The following GLMN variants were observed in gnomAD, a reference collection of about 807,000 sequenced individuals.
The protein encoded by GLMN is glomulin, FKBP associated protein.
In GLMN, 75 loss-of-function variants were observed where a neutral mutation model predicts 87.8. The ratio of observed to expected loss-of-function variants is 0.85; its 90% CI spans 0.71 to 1.04. The LOEUF (loss-of-function observed/expected upper bound fraction) is 1.04. Among genes scored for constraint, GLMN ranks in the 50% least tolerant of loss-of-function variants. The pLI is 0.00. For synonymous variants in GLMN, 206 were observed against 221.6 expected (o/e 0.93, Z 0.63); for missense variants, 588 against 658.8 (o/e 0.89, Z 1.18).
chr1:92,361,850 T>TTTCTG, the GLMN span, among the ~76,000 whole-genome samples: 31 of 151,762 alleles, frequency 2.0e-4, no homozygotes, highest in African/African-American at 7.0e-4. Context: ...ACGTAACTGT[T>TTTCTG]TTCTGTGGAC....
chr1:92,328,398 C>A, the GLMN span, among the ~76,000 whole-genome samples: 1 of 152,152 alleles, frequency 6.6e-6, no homozygotes, highest in Non-Finnish European at 1.5e-5. Flanking sequence ...AAAGCCTTGT[C>A]TTGAAGCTCT....
the GLMN span, among the ~76,000 whole-genome samples, chr1:92,334,456 T>C: frequency 2.0e-5 from 3 of 152,306 alleles, no homozygotes; most frequent in East Asian, 1.9e-4. Flanking sequence ...ATTGTGATTA[T>C]ATAAGAAAGT....
At chr1:92,352,058 T>G in the GLMN span, among the ~76,000 whole-genome samples, 6 of 152,216 alleles carry the variant, frequency 3.9e-5, no homozygotes, top group Non-Finnish European at 7.3e-5. Context: ...TAGTCTAACA[T>G]GGATACATGC....
At chr1:92,266,216 A>G (rs1012841751) in intron 13 of GLMN, among the ~76,000 whole-genome samples, 5 of 152,248 alleles carry the variant, frequency 3.3e-5, no homozygotes, top group Non-Finnish European at 7.3e-5. Context: ...TAGTCATACA[A>G]AATATAGACA....
At chr1:92,314,461 T>C in the GLMN span, among the ~76,000 whole-genome samples, 4 of 152,148 alleles carry the variant, frequency 2.6e-5, no homozygotes, top group African/African-American at 9.7e-5. Flanking sequence ...GATAGACTCT[T>C]AGATTACAGC....
chr1:92,325,578 TACATA>T, the GLMN span, among the ~76,000 whole-genome samples: 13 of 152,278 alleles, frequency 8.5e-5, no homozygotes, highest in East Asian at 3.9e-4. Flanking sequence ...CCAAAAATGT[TACATA>T]ACATGTTAAA....
chr1:92,328,049 A>G, the GLMN span, among the ~76,000 whole-genome samples: 4 of 152,204 alleles, frequency 2.6e-5, no homozygotes, highest in Admixed American at 2.0e-4. Context: ...GCTTTCCTTT[A>G]TAAGTTATCT....
intron 7 of GLMN, among the ~76,000 whole-genome samples, chr1:92,284,142 A>G (rs547169013): frequency 1.3e-5 from 2 of 152,312 alleles, no homozygotes; most frequent in Admixed American, 6.5e-5. Flanking sequence ...TATGGAACCA[A>G]AAAAGAGCCC....
chr1:92,280,136 G>A (rs72958765), intron 7 of GLMN, among the ~76,000 whole-genome samples: 5,805 of 152,308 alleles, frequency 0.038, 396 homozygotes, highest in African/African-American at 0.13. Context: ...TTCGAGCTCC[G>A]ATAATAGACA....
chr1:92,289,924 T>C (rs1340155285), intron 5 of GLMN, among the ~76,000 whole-genome samples: 9 of 152,156 alleles, frequency 5.9e-5, no homozygotes. Context: ...AAGCAGCAGA[T>C]AGGAAGGTTA....
chr1:92,296,479 C>T (rs1364907945), intron 3 of GLMN, among the ~76,000 whole-genome samples: 1 of 152,116 alleles, frequency 6.6e-6, no homozygotes, highest in Non-Finnish European at 1.5e-5. Flanking sequence ...AACCATCAGA[C>T]CTGGTGAGAA....
chr1:92,297,670 G>A (rs867774999), intron 2 of GLMN, 141 bp from the exon 3 acceptor site: 86 of 751,408 alleles, frequency 1.1e-4, no homozygotes, highest in Middle Eastern at 7.7e-4. Context: ...AATAACACAC[G>A]TATCAAAATT....
At chr1:92,258,297 T>C (rs1279158382) in intron 16 of GLMN, among the ~76,000 whole-genome samples, 1 of 152,218 alleles carries the variant, frequency 6.6e-6, no homozygotes, top group East Asian at 1.9e-4. Context: ...GCTTTTACAC[T>C]GTTGGTGGGA....
At chr1:92,264,682 C>T (rs1324610513) in intron 13 of GLMN, 44 bp from the exon 14 acceptor site, 8 of 1,021,200 alleles carry the variant, frequency 7.8e-6, no homozygotes, top group Middle Eastern at 2.0e-4. Flanking sequence ...TCCTGGACAG[C>T]ATTAGAATTA....
chr1:92,281,392 A>G (rs1036473981), intron 7 of GLMN, among the ~76,000 whole-genome samples: 2 of 152,218 alleles, frequency 1.3e-5, no homozygotes, highest in African/African-American at 4.8e-5. Context: ...AAGGAGAAAT[A>G]AAATCCTTTA....
At chr1:92,370,671 A>G in the GLMN span, among the ~76,000 whole-genome samples, 1 of 152,110 alleles carries the variant, frequency 6.6e-6, no homozygotes, top group Non-Finnish European at 1.5e-5. Flanking sequence ...CTATATTAAG[A>G]AAGGGTCTAT....
At chr1:92,264,703 A>G in intron 13 of GLMN, 65 bp from the exon 14 acceptor site, 1 of 893,120 alleles carries the variant, frequency 1.1e-6, no homozygotes, top group Non-Finnish European at 1.9e-6. Flanking sequence ...AATGGTGATA[A>G]AAGTTTTACA....
the GLMN span, among the ~76,000 whole-genome samples, chr1:92,341,738 G>T: frequency 6.6e-6 from 1 of 152,178 alleles, no homozygotes; most frequent in African/African-American, 2.4e-5. Flanking sequence ...TCCACCTCCT[G>T]AGTTCCAACA....
intron 2 of GLMN, 48 bp from the exon 3 acceptor site, chr1:92,297,577 G>A: frequency 6.9e-7 from 1 of 1,459,474 alleles, no homozygotes; most frequent in South Asian, 1.2e-5. Flanking sequence ...AAAAGTATAT[G>A]CAAATAAAAA....
Sources: gnomAD v4.1 joint callset for allele counts (sites outside exome capture counted in the v4.1 genomes callset) on GRCh38, gnomAD v4.1.1 for gene constraint, MANE v1.5 for transcripts, NCBI Gene and HGNC (gene_info 2026-07-23, HGNC 2026-07-21) for gene names.